ALDH1A2: variants seen among roughly 807,000 people sequenced by gnomAD.
ALDH1A2 encodes retinal dehydrogenase 2.
In ALDH1A2, 27 loss-of-function variants were observed where a neutral mutation model predicts 60.3. The ratio of observed to expected loss-of-function variants is 0.45; its 90% confidence interval spans 0.33 to 0.62. The LOEUF is 0.62. ALDH1A2 is among the 20% of genes least tolerant of loss of function. The pLI is 0.02. For synonymous variants in ALDH1A2, 289 were observed against 232.4 expected (o/e 1.24, Z -2.21); for missense variants, 581 against 643.8 (o/e 0.90, Z 1.06).
Position 58,060,451 on chromosome 15 carries a change from T to C in ALDH1A2, c.117+5083A>G, listed in dbSNP as rs559056183. Among the ~76,000 whole-genome samples, 4 of 148,726 alleles carry C rather than the reference T, an allele frequency of 2.7e-5. No individual in the cohort carries two copies. The South Asian group carries it at 8.5e-4, about 31-fold the overall frequency. On this transcript the variant is annotated intron_variant, in intron 1 of 12. Coordinates refer to ENST00000249750, the MANE Select transcript of ALDH1A2 (RefSeq NM_003888.4). ...AAGTCAGTGAAGAAACTCTTTAAGA[T>C]GCCACACATATCTTTTTTTTTTTTT...
rs1566928404 is a variant in ALDH1A2, at chr15:57,960,832, G to GT, written c.1421dup (p.Tyr474Ter). The GT allele has an allele frequency of 6.2e-7, 1 of 1,613,896 alleles. No individual in the cohort carries two copies. Among genetic ancestry groups the GT allele is most frequent in the South Asian group, 1.1e-5 (1 of 91,074 alleles). ...AGGGGCTCTGGGCATTTAAGGCATT[G>GT]TAACAATTGATCCTGAAAGAAGAAA... Reference protein sequence around the residue: ...MQAGTVWINCYNALNAQSPFG... With the variant: ...MQAGTVWINC Residue 474 changes from tyrosine (Y) to a stop codon, truncating the protein, a stop_gained and frameshift_variant, in exon 12 of 13, where the codon TAC becomes TAAC. Coordinates refer to ENST00000249750, the MANE Select transcript of ALDH1A2 (RefSeq NM_003888.4). LOFTEE classifies it high-confidence loss of function.
At chr15:58,055,962 A>C (rs1316663171) in intron 1 of ALDH1A2, among the ~76,000 whole-genome samples, 2 of 152,082 alleles carry the variant, frequency 1.3e-5, no homozygotes, top group African/African-American at 4.8e-5. Flanking sequence ...CAAATCTATC[A>C]GCAGCACAGA....
intron 1 of ALDH1A2, among the ~76,000 whole-genome samples, chr15:58,034,447 G>T (rs891510244): frequency 6.6e-6 from 1 of 151,532 alleles, no homozygotes; most frequent in Non-Finnish European, 1.5e-5. Context: ...TTCCTTCCCA[G>T]TCTGTATACA....
intron 7 of ALDH1A2, among the ~76,000 whole-genome samples, chr15:57,975,502 G>A (rs80102446): frequency 1.3e-5 from 2 of 152,004 alleles, no homozygotes; most frequent in African/African-American, 2.4e-5. Context: ...CCCCGATCTG[G>A]AAATCCAAAA....
chr15:58,021,447 T>C (rs1238546904), intron 1 of ALDH1A2, among the ~76,000 whole-genome samples: 1 of 152,022 alleles, frequency 6.6e-6, no homozygotes, highest in African/African-American at 2.4e-5. Flanking sequence ...AAGTGGGAAA[T>C]GGGTGAGTGG....
chr15:58,021,636 G>A (rs1595672182), intron 1 of ALDH1A2, among the ~76,000 whole-genome samples: 1 of 152,238 alleles, frequency 6.6e-6, no homozygotes, highest in South Asian at 2.1e-4. Flanking sequence ...GACCTAAGCA[G>A]CTACAGCAAG....
At chr15:57,973,718 A>G (rs979611791) in intron 7 of ALDH1A2, among the ~76,000 whole-genome samples, 1 of 152,338 alleles carries the variant, frequency 6.6e-6, no homozygotes, top group African/African-American at 2.4e-5. Flanking sequence ...GTGTCTGCCA[A>G]TAATGTCATT....
chr15:57,964,382 G>C (rs899523286), intron 8 of ALDH1A2: 2 of 280,358 alleles, frequency 7.1e-6, no homozygotes, highest in Non-Finnish European at 1.4e-5. Flanking sequence ...GAGTCTGCCA[G>C]GTGGTAAAGC....
At chr15:58,027,533 T>C (rs570769657) in intron 1 of ALDH1A2, among the ~76,000 whole-genome samples, 1 of 152,216 alleles carries the variant, frequency 6.6e-6, no homozygotes, top group Admixed American at 6.5e-5. Flanking sequence ...GGAACAAAAC[T>C]GCACTGTGAA....
At chr15:57,968,819 T>A (rs947024113) in intron 7 of ALDH1A2, among the ~76,000 whole-genome samples, 11 of 152,236 alleles carry the variant, frequency 7.2e-5, no homozygotes, top group Non-Finnish European at 1.3e-4. Flanking sequence ...AGGTTGATAT[T>A]TTTTTGCCAC....
At chr15:57,987,933 A>C (rs903788534) in intron 7 of ALDH1A2, among the ~76,000 whole-genome samples, 1 of 152,024 alleles carries the variant, frequency 6.6e-6, no homozygotes, top group African/African-American at 2.4e-5. Flanking sequence ...TTTTTAGACA[A>C]ACAAAAGCTG....
At chr15:58,035,168 G>A (rs1896345981) in intron 1 of ALDH1A2, among the ~76,000 whole-genome samples, 1 of 151,524 alleles carries the variant, frequency 6.6e-6, no homozygotes, top group Non-Finnish European at 1.5e-5. Context: ...ATTTCTCTTT[G>A]AGTTTTGGTA....
chr15:58,006,023 A>AT (rs34604016), intron 4 of ALDH1A2, among the ~76,000 whole-genome samples: 2,961 of 148,988 alleles, frequency 0.02, 41 homozygotes, highest in African/African-American at 0.029. Context: ...CAAAGCAGGG[A>AT]TTTTTTTTTT....
At position 57,962,124 on chromosome 15, in the gene ALDH1A2, G is replaced by C. The variant is rs1344293487; in HGVS notation, c.1139C>G (p.Ala380Gly). The change falls in exon 10 of 13, where the codon GCT (alanine) becomes GGT (glycine). Residue 380 changes from alanine to glycine, a missense_variant. Around this residue, in one of 2 missense-constraint regions of ALDH1A2, gnomAD observed 375 missense variants for 469.7 expected, o/e 0.80. Coordinates refer to ENST00000249750, the MANE Select transcript of ALDH1A2 (RefSeq NM_003888.4). Reference protein sequence around the residue: ...KILELIQSGVAEGAKLECGGK... With the variant: ...KILELIQSGVGEGAKLECGGK... ...TCCACATTCCAGCTTGGCGCCCTCAGCCACACCACTCTGGATGAGTTCCAA... is the reference window on the plus strand; with the variant it reads ...TCCACATTCCAGCTTGGCGCCCTCACCCACACCACTCTGGATGAGTTCCAA... 8.7e-6 allele frequency: 14 copies of C among 1,614,110 alleles called. No individual in the cohort carries two copies. The highest frequency in any genetic ancestry group is 1.2e-5 in the Non-Finnish European group (14 of 1,180,000).
Position 57,955,163 on chromosome 15 carries a change from T to C in ALDH1A2, c.*34A>G. 6.2e-7 allele frequency: 1 copy of C among 1,601,302 alleles called. No homozygotes were observed. Reference sequence around the variant, plus strand: ...CAGAGAAAGCAGAGAGGGACAGACGTGCAGGCTGGGCTTCATCCTCCTTCT... The same window carrying C: ...CAGAGAAAGCAGAGAGGGACAGACGCGCAGGCTGGGCTTCATCCTCCTTCT... On this transcript the variant is annotated 3_prime_UTR_variant, in exon 13 of 13. Coordinates refer to ENST00000249750, the MANE Select transcript of ALDH1A2 (RefSeq NM_003888.4).
At chr15:58,006,950 T>C (rs1895479729) in intron 4 of ALDH1A2, among the ~76,000 whole-genome samples, 1 of 151,698 alleles carries the variant, frequency 6.6e-6, no homozygotes. Flanking sequence ...TTTTGCTGTT[T>C]AAAATGGCCC....
At chr15:58,030,301 T>C (rs544602266) in intron 1 of ALDH1A2, among the ~76,000 whole-genome samples, 21 of 152,140 alleles carry the variant, frequency 1.4e-4, no homozygotes, top group Non-Finnish European at 2.6e-4. Context: ...CATGATTATC[T>C]CAATAGATGC....
intron 1 of ALDH1A2, among the ~76,000 whole-genome samples, chr15:58,054,114 G>T (rs933382504): frequency 6.6e-6 from 1 of 152,072 alleles, no homozygotes; most frequent in African/African-American, 2.4e-5. Flanking sequence ...AACTACAAAG[G>T]TTCCCAGGCA....
At chr15:58,029,452 A>C (rs1162544096) in intron 1 of ALDH1A2, among the ~76,000 whole-genome samples, 3 of 152,192 alleles carry the variant, frequency 2.0e-5, no homozygotes, top group East Asian at 1.9e-4. Flanking sequence ...GGAAAGATCT[A>C]AACTCAACCC....
Sources: gnomAD v4.1 joint callset for allele counts (sites outside exome capture counted in the v4.1 genomes callset) on GRCh38, gnomAD v4.1.1 for gene constraint, gnomAD v4.1.1 regional missense constraint, MANE v1.5 for transcripts, NCBI Gene and HGNC (gene_info 2026-07-23, HGNC 2026-07-21) for gene names.